Variants in GALM observed in about 807,000 individuals in gnomAD.
GALM encodes aldose 1-epimerase.
In GALM, 43 loss-of-function variants were observed where a neutral mutation model predicts 37.4. That is an observed-to-expected ratio of 1.15 (90% CI 0.90 to 1.48). The LOEUF (loss-of-function observed/expected upper bound fraction) is 1.48. Among genes scored for constraint, GALM ranks in the 40% most tolerant of loss-of-function variants. GALM has a pLI of 0.00. For synonymous variants in GALM, 199 were observed against 170.6 expected (o/e 1.17, Z -1.30); for missense variants, 456 against 419.1 (o/e 1.09, Z -0.77).
intron 1 of GALM, among the ~76,000 whole-genome samples, chr2:38,675,542 T>G (rs1665233720): frequency 1.3e-5 from 1 of 79,622 alleles, no homozygotes; most frequent in African/African-American, 5.6e-5. Context: ...TTTTTTTTTT[T>G]TTGTGTGTGT....
chr2:38,690,049 G>A (rs1665635578), intron 4 of GALM, among the ~76,000 whole-genome samples, 155 bp downstream of exon 4: 1 of 152,208 alleles, frequency 6.6e-6, no homozygotes, highest in African/African-American at 2.4e-5. Context: ...TTTGATATGT[G>A]TACTGTGTTT....
At chr2:38,707,122 G>T (rs1412593022) in intron 4 of GALM, among the ~76,000 whole-genome samples, 1 of 148,428 alleles carries the variant, frequency 6.7e-6, no homozygotes, top group Non-Finnish European at 1.5e-5. Flanking sequence ...GGCATGGGGG[G>T]CTGGGAGAAC....
intron 4 of GALM, among the ~76,000 whole-genome samples, chr2:38,706,951 C>A (rs566093467): frequency 6.6e-6 from 1 of 151,818 alleles, no homozygotes; most frequent in African/African-American, 2.4e-5. Context: ...TGGAAGAAGG[C>A]AGTTTAATCA....
At chr2:38,732,221 T>C (rs531791881) in intron 6 of GALM, among the ~76,000 whole-genome samples, 5 of 152,212 alleles carry the variant, frequency 3.3e-5, no homozygotes, top group African/African-American at 9.6e-5. Flanking sequence ...CATGCCTGCT[T>C]AATTTTTGTA....
chr2:38,708,538 G>T (rs901116613), intron 4 of GALM, among the ~76,000 whole-genome samples: 1 of 151,944 alleles, frequency 6.6e-6, no homozygotes, highest in Non-Finnish European at 1.5e-5. Context: ...TCAGGAGAGC[G>T]AGACCATCCC....
Position 38,681,353 on chromosome 2 carries a change from A to G in GALM, c.419A>G (p.Tyr140Cys), listed in dbSNP as rs1665390946. The G allele has an allele frequency of 6.2e-7, 1 of 1,614,082 alleles. No individual in the cohort carries two copies. The highest frequency in any genetic ancestry group is 8.5e-7 in the Non-Finnish European group (1 of 1,180,008). Residue 140 changes from tyrosine to cysteine, a missense_variant, in exon 3 of 7, where the codon TAC (tyrosine) becomes TGC (cysteine). Coordinates refer to ENST00000272252, the MANE Select transcript of GALM (RefSeq NM_138801.3). ...SRISPDGEEG[Y>C]PGELKVWVTY... Reference sequence around the variant, plus strand: ...ATCAGTCCAGATGGTGAAGAAGGCTACCCCGGAGAGTTAAAAGTCTGGGTG... The same window carrying G: ...ATCAGTCCAGATGGTGAAGAAGGCTGCCCCGGAGAGTTAAAAGTCTGGGTG...
At chr2:38,717,703 A>T (rs1479133910) in intron 4 of GALM, among the ~76,000 whole-genome samples, 2 of 149,950 alleles carry the variant, frequency 1.3e-5, no homozygotes, top group Non-Finnish European at 2.9e-5. Context: ...CCCTGGCCTT[A>T]GCTCCATTTT....
At position 38,689,878 on chromosome 2, in the gene GALM, A is replaced by G. The variant is rs1411547162; in HGVS notation, c.618A>G (p.Glu206=). ...CGGATACTTATTTGCCTGTGGATGA[A>G]ACCCTGATTCCTACAGGTTGGTGAA... is the stretch of plus-strand genomic sequence containing the variant. ...IEADTYLPVD[E]TLIPTGEVAP... The change falls in exon 4 of 7, where the codon GAA becomes GAG. Residue 206 remains glutamate (E), a synonymous_variant. Coordinates refer to ENST00000272252, the MANE Select transcript of GALM (RefSeq NM_138801.3). The G allele has an allele frequency of 6.2e-7, 1 of 1,606,482 alleles. No individual in the cohort carries two copies. The highest frequency in any genetic ancestry group is 2.2e-5 in the East Asian group (1 of 44,796).
chr2:38,720,998 A>G (rs1165280091), intron 4 of GALM, among the ~76,000 whole-genome samples: 1 of 152,240 alleles, frequency 6.6e-6, no homozygotes, highest in African/African-American at 2.4e-5. Context: ...CACAGACTCC[A>G]CGGCTCAGTG....
chr2:38,703,302 C>G (rs556335553), intron 4 of GALM, among the ~76,000 whole-genome samples: 1 of 150,182 alleles, frequency 6.7e-6, no homozygotes, highest in African/African-American at 2.5e-5. Context: ...AGACAGGTTT[C>G]TTCATGTTGG....
At chr2:38,697,963 A>T (rs1386232513) in intron 4 of GALM, among the ~76,000 whole-genome samples, 3 of 149,358 alleles carry the variant, frequency 2.0e-5, no homozygotes, top group African/African-American at 7.4e-5. Context: ...TTTTTTTTTT[A>T]GACAGAGTCT....
chr2:38,691,634 T>C lies in GALM; in HGVS notation c.634+1740T>C, dbSNP rs1029227980. ...AGGAGTTGGAGGCTGCAGTGAGCCG[T>C]GATCTCTGCTGCACTCTACCCTGGG... On this transcript the variant is annotated intron_variant, in intron 4 of 6. Transcript: ENST00000272252. Among the ~76,000 whole-genome samples the C allele has an allele frequency of 2.0e-5, 3 of 151,752 alleles. No individual in the cohort carries two copies. The East Asian group carries it at 5.8e-4, about 29-fold the overall frequency.
chr2:38,672,493 C>G (rs1421428364), intron 1 of GALM, among the ~76,000 whole-genome samples: 9 of 151,780 alleles, frequency 5.9e-5, no homozygotes, highest in Admixed American at 5.3e-4. Flanking sequence ...TGGCCTGTGC[C>G]TAGGGATGGA....
At chr2:38,708,111 TTAAAATAAAATAAAATAAAA>T (rs60153386) in intron 4 of GALM, among the ~76,000 whole-genome samples, 3 of 135,642 alleles carry the variant, frequency 2.2e-5, no homozygotes, top group Non-Finnish European at 4.6e-5. Flanking sequence ...TGTATCAAAA[TTAAAATAAAATAAAATAAAA>T]TAAAATAAAA....
At chr2:38,699,095 G>A (rs1665866439) in intron 4 of GALM, among the ~76,000 whole-genome samples, 1 of 150,952 alleles carries the variant, frequency 6.6e-6, no homozygotes, top group Admixed American at 6.6e-5. Context: ...TGTATTTTTA[G>A]TAGAGACGGG....
chr2:38,709,544 G>A (rs1474001337), intron 4 of GALM, among the ~76,000 whole-genome samples: 3 of 150,530 alleles, frequency 2.0e-5, no homozygotes, highest in Admixed American at 1.3e-4. Context: ...GAAAATGCTC[G>A]GTGGAAAGGA....
rs759891162 is a variant in GALM, at chr2:38,675,942, C to A, written c.221C>A (p.Ala74Glu). The change falls in exon 2 of 7, where the codon GCA (alanine) becomes GAA (glutamate). Residue 74 changes from alanine to glutamate, a missense_variant. Coordinates refer to ENST00000272252, the MANE Select transcript of GALM (RefSeq NM_138801.3). ...CTCCAAAAGCAGCCATACTTTGGAG[C>A]AGTTATTGGGAGGGTGGCCAACCGA... ...GYLQKQPYFGAVIGRVANRIA... is the reference protein window; with the variant it reads ...GYLQKQPYFGEVIGRVANRIA... 2 of 1,613,960 alleles carry A rather than the reference C, an allele frequency of 1.2e-6. No homozygotes were observed. Among genetic ancestry groups the A allele is most frequent in the East Asian group, 2.2e-5 (1 of 44,874 alleles).
chr2:38,675,467 C>T (rs924424675), intron 1 of GALM, among the ~76,000 whole-genome samples: 4 of 147,890 alleles, frequency 2.7e-5, no homozygotes, highest in African/African-American at 1.0e-4. Context: ...GTGCAGCATT[C>T]GTCTGAAGAA....
At chr2:38,714,399 G>C (rs2148450804) in intron 4 of GALM, among the ~76,000 whole-genome samples, 1 of 152,172 alleles carries the variant, frequency 6.6e-6, no homozygotes, top group Middle Eastern at 3.4e-3. Flanking sequence ...ATTTTTAGTA[G>C]AGACAGGGTT....
Sources: allele counts gnomAD v4.1 joint callset (sites outside exome capture counted in the v4.1 genomes callset), GRCh38; gene constraint gnomAD v4.1.1; transcripts MANE v1.5; gene names NCBI Gene and HGNC (gene_info 2026-07-23, HGNC 2026-07-21).